Variants in FAM118A observed in about 807,000 individuals in gnomAD.
The protein encoded by FAM118A is protein FAM118A.
In FAM118A, 25 loss-of-function variants were observed where a neutral mutation model predicts 38.2. That is an observed-to-expected ratio of 0.65 (90% CI 0.48 to 0.91). The LOEUF (loss-of-function observed/expected upper bound fraction) is 0.91. FAM118A is among the 40% of genes least tolerant of loss of function. The pLI, the probability that FAM118A is intolerant of heterozygous loss-of-function variation, is 0.00. For missense variants in FAM118A, 425 were observed against 463.3 expected (o/e 0.92, Z 0.76); for synonymous variants, 178 against 184.1 (o/e 0.97, Z 0.27).
At chr22:45,338,143 C>T (rs1057046179) in intron 8 of FAM118A, among the ~76,000 whole-genome samples, 3 of 152,178 alleles carry the variant, frequency 2.0e-5, no homozygotes, top group Non-Finnish European at 4.4e-5. Flanking sequence ...TTTCTTCTTT[C>T]CATCTTCTCT....
chr22:45,341,749 A>G lies in FAM118A; in HGVS notation c.*1344A>G, dbSNP rs906973809. ...CCCTGCTTGGTTTCAGTTTGAGGCC[A>G]CTTATCTTCAATGTGACATTTCTTG... On this transcript the variant is annotated 3_prime_UTR_variant, in exon 9 of 9. Transcript: ENST00000441876. The G allele has an allele frequency of 5.9e-5, 9 of 152,224 alleles. No homozygotes were observed. Among genetic ancestry groups the G allele is most frequent in the African/African-American group, 1.9e-4 (8 of 41,428 alleles). 9.4% of individuals were successfully genotyped at this position (152,224 alleles called of 1,614,324 possible). A position where few individuals can be genotyped will look rare whatever the true frequency, so the allele number is the denominator to read the frequency against.
At chr22:45,335,985 G>T (rs187822021) in intron 7 of FAM118A, among the ~76,000 whole-genome samples, 62 of 152,326 alleles carry the variant, frequency 4.1e-4, no homozygotes, top group South Asian at 1.9e-3. Flanking sequence ...TTCCCTGGCT[G>T]TTTGGCCCAG....
rs1368055336 is a variant in FAM118A at position 45,316,684 on chromosome 22, G to A, written c.-9-5687G>A. The stretch of plus-strand genomic sequence containing the variant: ...AGTATTTCCCAGCCTCTTGTCTCCT[G>A]TCAGTAGCACATTTATAAATGCTTT... On this transcript the variant is annotated intron_variant, in intron 1 of 8. Transcript: ENST00000441876. 6.6e-5 allele frequency among the ~76,000 whole-genome samples: 10 copies of A among 152,188 alleles called. No homozygotes were observed. The East Asian group carries it at 7.7e-4, about 12-fold the overall frequency.
rs143239584 is a variant in FAM118A at position 45,339,143 on chromosome 22, G to A, written c.1055-1243G>A. 2.9e-4 allele frequency among the ~76,000 whole-genome samples: 44 copies of A among 152,318 alleles called. No homozygotes were observed. In the East Asian group the frequency reaches 7.7e-3, roughly 27 times the overall value. Reference sequence around the variant, plus strand: ...ACTTTGGCTGGGCTTAGTGGTTCACGCCTATATTACCAGCACTTTGGGAGG... The same window carrying A: ...ACTTTGGCTGGGCTTAGTGGTTCACACCTATATTACCAGCACTTTGGGAGG... On this transcript the variant is annotated intron_variant, in intron 8 of 8. Transcript: ENST00000441876.
intron 4 of FAM118A, chr22:45,328,398 G>C (rs1239871151): frequency 4.0e-6 from 5 of 1,242,176 alleles, no homozygotes; most frequent in Non-Finnish European, 6.0e-6. Flanking sequence ...CAAGGTGTGG[G>C]CTGGGGCTGC....
chr22:45,322,108 C>T lies in FAM118A; in HGVS notation c.-9-263C>T, dbSNP rs1291980545. 4 of 1,237,686 alleles carry T rather than the reference C, an allele frequency of 3.2e-6. No homozygotes were observed. In the African/African-American group the frequency reaches 4.7e-5, roughly 14 times the overall value. 76.7% of individuals were successfully genotyped at this position (1,237,686 alleles called of 1,614,324 possible). ...CACAGAGCCCATCCTTCATCTGCTC[C>T]TGTGTGTGCGTTTTCCTTCTGTGCT... On this transcript the variant is annotated intron_variant, in intron 1 of 8. Coordinates refer to ENST00000441876, the MANE Select transcript of FAM118A (RefSeq NM_017911.4).
intron 2 of FAM118A, 149 bp from the exon 3 acceptor site, chr22:45,323,026 C>A: frequency 2.3e-6 from 2 of 869,372 alleles, no homozygotes; most frequent in Non-Finnish European, 3.4e-6. Context: ...CGTCTCCCCA[C>A]AGCGTCAGAG....
rs1274662672 is a variant in FAM118A, at chr22:45,336,406, A to T, written c.1049A>T (p.Asp350Val). The change falls in exon 8 of 9, where the codon GAT (aspartate) becomes GTT (valine). Residue 350 changes from aspartate to valine, a missense_variant. By Grantham distance (152) the Asp-to-Val change is radical. Coordinates refer to ENST00000441876, the MANE Select transcript of FAM118A (RefSeq NM_017911.4). ...IEVSKKRTQSDTDDAGGS is the reference protein window; with the variant it reads ...IEVSKKRTQSVTDDAGGS The stretch of plus-strand genomic sequence containing the variant: ...GTTTCAAAAAAACGCACACAATCAG[A>T]TACTGGTATTGTGTCTGTTCTTTTT... 3.7e-6 allele frequency: 6 copies of T among 1,612,990 alleles called. No individual in the cohort carries two copies. The African/African-American group carries it at 6.7e-5, about 18-fold the overall frequency.
At chr22:45,336,547 G>A in intron 8 of FAM118A, 136 bp downstream of exon 8, 2 of 643,932 alleles carry the variant, frequency 3.1e-6, no homozygotes, top group East Asian at 5.6e-5. Flanking sequence ...CAGGGCCAGA[G>A]AGCACAGGAG....
intron 8 of FAM118A, chr22:45,337,860 G>T: frequency 1.0e-6 from 1 of 985,358 alleles, no homozygotes; most frequent in East Asian, 1.1e-4. Flanking sequence ...CATGCTCGCG[G>T]GAGTTTTGGC....
At chr22:45,314,372 G>A (rs797001708) in intron 1 of FAM118A, among the ~76,000 whole-genome samples, 30 of 151,622 alleles carry the variant, frequency 2.0e-4, no homozygotes, top group African/African-American at 6.3e-4. Flanking sequence ...ACTAAACTGT[G>A]CCTTATTTGT....
At chr22:45,323,494 C>A (rs1337056813) in intron 3 of FAM118A, 67 bp downstream of exon 3, 1 of 1,568,216 alleles carries the variant, frequency 6.4e-7, no homozygotes, top group Non-Finnish European at 8.7e-7. Context: ...AGTCTGTGAA[C>A]CTAATGTTAA....
chr22:45,311,973 C>T (rs1447140562), intron 1 of FAM118A, among the ~76,000 whole-genome samples: 1 of 151,974 alleles, frequency 6.6e-6, no homozygotes, highest in Non-Finnish European at 1.5e-5. Context: ...AGTCTAATGA[C>T]CACACAGGAC....
intron 1 of FAM118A, among the ~76,000 whole-genome samples, chr22:45,316,133 G>A (rs1320182484): frequency 1.3e-5 from 2 of 152,178 alleles, no homozygotes; most frequent in African/African-American, 2.4e-5. Flanking sequence ...TCTGCCTCCC[G>A]GGTTCAAGCG....
chr22:45,330,180 C>T (rs188918747), intron 4 of FAM118A, among the ~76,000 whole-genome samples: 1 of 152,336 alleles, frequency 6.6e-6, no homozygotes, highest in Admixed American at 6.5e-5. Context: ...AAGACATTTT[C>T]TATGTAACTG....
chr22:45,341,223 T>C lies in FAM118A; in HGVS notation c.*818T>C, dbSNP rs2086439412. On this transcript the variant is annotated 3_prime_UTR_variant, in exon 9 of 9. Coordinates refer to ENST00000441876, the MANE Select transcript of FAM118A (RefSeq NM_017911.4). ...ATGAATCCGCTAGCGAAAATGTTTT[T>C]AGGGAGAACAGCTGGATCAAAAGGG... The C allele has an allele frequency of 6.6e-6, 1 of 152,256 alleles. No homozygotes were observed. Among genetic ancestry groups the C allele is most frequent in the Non-Finnish European group, 1.5e-5 (1 of 68,042 alleles). The allele number at this position is 152,256 out of a possible 1,614,324, so 9.4% of individuals were successfully genotyped here.
intron 6 of FAM118A, among the ~76,000 whole-genome samples, chr22:45,333,488 C>CA (rs1458112196): frequency 6.6e-6 from 1 of 152,046 alleles, no homozygotes; most frequent in African/African-American, 2.4e-5. Context: ...TCCTGGCTAA[C>CA]ACGGTGAAAC....
At chr22:45,337,599 T>A (rs1389979916) in intron 8 of FAM118A, among the ~76,000 whole-genome samples, 1 of 140,632 alleles carries the variant, frequency 7.1e-6, no homozygotes, top group African/African-American at 2.5e-5. Flanking sequence ...GAATAAGAAA[T>A]TTTTTTTTAA....
chr22:45,336,623 C>A (rs910577494), intron 8 of FAM118A, among the ~76,000 whole-genome samples: 1 of 152,310 alleles, frequency 6.6e-6, no homozygotes, highest in African/African-American at 2.4e-5. Context: ...GCTACTGGTA[C>A]CTCTTTAGAA....
Sources: allele counts gnomAD v4.1 joint callset (sites outside exome capture counted in the v4.1 genomes callset), GRCh38; gene constraint gnomAD v4.1.1; transcripts MANE v1.5; gene names NCBI Gene and HGNC (gene_info 2026-07-23, HGNC 2026-07-21).